The following DAB1 variants were observed in gnomAD, a reference collection of about 807,000 sequenced individuals.
DAB1 encodes the protein disabled homolog 1.
Under a neutral mutation model 64.6 loss-of-function variants are expected in DAB1, and 15 were observed. That is an observed-to-expected ratio of 0.23 (90% CI 0.16 to 0.36). The LOEUF (loss-of-function observed/expected upper bound fraction) is 0.36, where lower values mean the gene tolerates loss of function less well. Ranked by LOEUF, DAB1 falls within the 10% of genes least tolerant of loss-of-function variation. The probability of loss-of-function intolerance (pLI) is 1.00; values close to 1 mark genes in which losing one functional copy is unlikely to be tolerated. For synonymous variants in DAB1, 235 were observed against 251.9 expected (o/e 0.93, Z 0.64); for missense variants, 596 against 706.7 (o/e 0.84, Z 1.78).
chr1:57,123,470 C>A (rs1656848051), intron 4 of DAB1, among the ~76,000 whole-genome samples: 1 of 152,044 alleles, frequency 6.6e-6, no homozygotes, highest in South Asian at 2.1e-4. Flanking sequence ...TGACAATACT[C>A]CATGCTGGCA....
chr1:58,313,408 T>G (rs1253529453), intron 4 of DAB1, among the ~76,000 whole-genome samples: 1 of 152,072 alleles, frequency 6.6e-6, no homozygotes, highest in South Asian at 2.1e-4. Context: ...GGCTGACAGA[T>G]GCAGACATCC....
intron 9 of DAB1, among the ~76,000 whole-genome samples, chr1:57,061,774 T>C (rs1650419260): frequency 6.6e-6 from 1 of 152,206 alleles, no homozygotes; most frequent in Non-Finnish European, 1.5e-5. Context: ...TTGTTAATCT[T>C]ATCGTGAAAC....
At position 58,473,635 on chromosome 1, in the gene DAB1, A is replaced by G. The variant is rs1645388809; in HGVS notation, n.257+32425T>C. On this transcript the variant is annotated intron_variant and non_coding_transcript_variant, in intron 3 of 20. Transcript: ENST00000485760. ...GCCTCATAGAATTGTTGAGGGAGTC[A>G]AGCAAGCTACTGCATGTATTTCAGA... 2.0e-5 allele frequency among the ~76,000 whole-genome samples: 3 copies of G among 152,198 alleles called. No individual in the cohort carries two copies. The South Asian group carries it at 6.2e-4, about 32-fold the overall frequency.
intron 7 of DAB1, among the ~76,000 whole-genome samples, chr1:57,515,725 A>G (rs1644456640): frequency 6.6e-6 from 1 of 152,218 alleles, no homozygotes; most frequent in Non-Finnish European, 1.5e-5. Flanking sequence ...CCTTCAACAA[A>G]TATTCATGGA....
At chr1:58,241,346 C>T (rs375514733) in intron 4 of DAB1, among the ~76,000 whole-genome samples, 2 of 135,790 alleles carry the variant, frequency 1.5e-5, no homozygotes, top group Admixed American at 7.1e-5. Context: ...AAATCATTTC[C>T]TACAATCCAT....
intron 2 of DAB1, among the ~76,000 whole-genome samples, chr1:57,256,382 A>G (rs553622492): frequency 4.6e-5 from 7 of 152,344 alleles, no homozygotes; most frequent in African/African-American, 1.2e-4. Context: ...ATATTTGATC[A>G]GTTTAAAGAT....
chr1:57,809,286 AG>A (rs2101882289), intron 6 of DAB1, among the ~76,000 whole-genome samples: 1 of 152,302 alleles, frequency 6.6e-6, no homozygotes, highest in African/African-American at 2.4e-5. Flanking sequence ...CCTATCACTA[AG>A]AAATACTATT....
intron 3 of DAB1, among the ~76,000 whole-genome samples, chr1:58,367,517 G>A (rs1295209061): frequency 6.6e-6 from 1 of 152,190 alleles, no homozygotes; most frequent in Non-Finnish European, 1.5e-5. Context: ...GCTGCTGAAT[G>A]TCCAATCTAT....
chr1:57,041,517 C>A (rs781545279), intron 9 of DAB1, among the ~76,000 whole-genome samples: 1 of 152,172 alleles, frequency 6.6e-6, no homozygotes, highest in Non-Finnish European at 1.5e-5. Flanking sequence ...ATGTGAATAG[C>A]CAAAGCAAGA....
At chr1:57,699,740 C>T (rs1262349936) in intron 6 of DAB1, among the ~76,000 whole-genome samples, 2 of 152,030 alleles carry the variant, frequency 1.3e-5, no homozygotes, top group East Asian at 3.9e-4. Flanking sequence ...TGGTGAAACC[C>T]TGTCTCTACT....
chr1:57,084,906 T>A (rs1652912705), intron 4 of DAB1, among the ~76,000 whole-genome samples: 1 of 152,120 alleles, frequency 6.6e-6, no homozygotes, highest in Non-Finnish European at 1.5e-5. Flanking sequence ...AGTACAAGGA[T>A]CAATTGTTTC....
chr1:58,308,592 C>T (rs1236566433), intron 4 of DAB1, among the ~76,000 whole-genome samples: 2 of 152,142 alleles, frequency 1.3e-5, no homozygotes, highest in African/African-American at 2.4e-5. Context: ...TAAGTAGATG[C>T]ACTTAGCATC....
At chr1:57,388,393 C>T (rs1682063389) in intron 1 of DAB1, among the ~76,000 whole-genome samples, 1 of 152,110 alleles carries the variant, frequency 6.6e-6, no homozygotes, top group African/African-American at 2.4e-5. Context: ...GTCCCATGGG[C>T]CTCTGGCATT....
intron 1 of DAB1, among the ~76,000 whole-genome samples, chr1:57,330,391 A>G (rs1477777973): frequency 6.6e-6 from 1 of 152,208 alleles, no homozygotes; most frequent in Non-Finnish European, 1.5e-5. Context: ...GCAGCAGAAC[A>G]CACAGGTTGT....
At chr1:58,264,838 T>G (rs1371619541) in intron 4 of DAB1, among the ~76,000 whole-genome samples, 3 of 152,200 alleles carry the variant, frequency 2.0e-5, no homozygotes, top group Non-Finnish European at 4.4e-5. Flanking sequence ...CTAATTCTAT[T>G]AAAGGAGAAG....
At chr1:57,524,082 T>G (rs182241606) in intron 7 of DAB1, among the ~76,000 whole-genome samples, 1 of 151,688 alleles carries the variant, frequency 6.6e-6, no homozygotes, top group Non-Finnish European at 1.5e-5. Flanking sequence ...GGCAAAGGAA[T>G]GGCAAGAGGA....
intron 6 of DAB1, among the ~76,000 whole-genome samples, chr1:57,792,884 T>A (rs1650670664): frequency 6.6e-6 from 1 of 152,252 alleles, no homozygotes; most frequent in Non-Finnish European, 1.5e-5. Flanking sequence ...AGAATTATAG[T>A]TCTGAAATGT....
intron 4 of DAB1, among the ~76,000 whole-genome samples, chr1:58,249,820 G>C (rs1057106844): frequency 6.6e-5 from 10 of 152,152 alleles, no homozygotes; most frequent in African/African-American, 2.4e-4. Flanking sequence ...CCCAGGGGTC[G>C]CCCTGGCGCT....
chr1:57,615,052 A>T (rs6587786), intron 7 of DAB1, among the ~76,000 whole-genome samples: 2 of 151,164 alleles, frequency 1.3e-5, no homozygotes, highest in African/African-American at 2.4e-5. Flanking sequence ...TTGTATTTTT[A>T]GTAGAGACAG....
Sources: gnomAD v4.1 joint callset for allele counts (sites outside exome capture counted in the v4.1 genomes callset) on GRCh38, gnomAD v4.1.1 for gene constraint, MANE v1.5 for transcripts, NCBI Gene and HGNC (gene_info 2026-07-23, HGNC 2026-07-21) for gene names.